The following CCDC30 variants were observed in gnomAD, a reference collection of about 807,000 sequenced individuals.
CCDC30 encodes the protein coiled-coil domain-containing protein 30.
A neutral mutation model predicts 100.2 loss-of-function variants in CCDC30; 70 were observed. The ratio of observed to expected loss-of-function variants is 0.70; its 90% CI spans 0.58 to 0.85. CCDC30 has a LOEUF of 0.85. Among genes scored for constraint, CCDC30 ranks in the 40% least tolerant of loss-of-function variants. The pLI is 0.00. For synonymous variants in CCDC30, 233 were observed against 269.5 expected (o/e 0.86, Z 1.33); for missense variants, 652 against 771.2 (o/e 0.85, Z 1.83).
At chr1:42,625,561 TATC>T (rs1646918245) in intron 11 of CCDC30, among the ~76,000 whole-genome samples, 1 of 152,136 alleles carries the variant, frequency 6.6e-6, no homozygotes, top group African/African-American at 2.4e-5. Context: ...GTGTTTCCAT[TATC>T]ATTCGTTTCA....
intron 15 of CCDC30, among the ~76,000 whole-genome samples, chr1:42,650,519 G>A (rs946961550): frequency 1.3e-5 from 2 of 151,682 alleles, no homozygotes; most frequent in African/African-American, 2.4e-5. Context: ...GTGTGTGTGT[G>A]TGTGTGTGTG....
chr1:42,497,294 C>T (rs1644245633), intron 5 of CCDC30, 81 bp downstream of exon 5: 3 of 832,860 alleles, frequency 3.6e-6, no homozygotes, highest in Non-Finnish European at 4.8e-6. Context: ...AGGTATACAA[C>T]ATGTAAGTTG....
At chr1:42,489,289 C>A (rs892274223) in intron 3 of CCDC30, among the ~76,000 whole-genome samples, 1 of 152,176 alleles carries the variant, frequency 6.6e-6, no homozygotes, top group South Asian at 2.1e-4. Context: ...AAAATGGAAA[C>A]ATGAATATCT....
At chr1:42,641,821 C>G (rs1647422401) in intron 12 of CCDC30, among the ~76,000 whole-genome samples, 1 of 151,992 alleles carries the variant, frequency 6.6e-6, no homozygotes, top group African/African-American at 2.4e-5. Flanking sequence ...TGCCACTGCA[C>G]TCCAGCCTGG....
chr1:42,501,494 G>A (rs1159078892), intron 6 of CCDC30, among the ~76,000 whole-genome samples: 1 of 152,172 alleles, frequency 6.6e-6, no homozygotes, highest in Non-Finnish European at 1.5e-5. Flanking sequence ...TCCATTGCTG[G>A]TGAGGAGCTG....
At chr1:42,616,969 ATG>A (rs1646738081) in intron 11 of CCDC30, among the ~76,000 whole-genome samples, 1 of 151,958 alleles carries the variant, frequency 6.6e-6, no homozygotes, top group South Asian at 2.1e-4. Flanking sequence ...TTAGATAACA[ATG>A]TGGGAAAATG....
At chr1:42,556,101 A>T in intron 6 of CCDC30, 55 bp from the exon 10 acceptor site, 1 of 1,531,338 alleles carries the variant, frequency 6.5e-7, no homozygotes, top group Non-Finnish European at 8.8e-7. Flanking sequence ...TTTTTTCCCG[A>T]TTCTACTACT....
intron 8 of CCDC30, 107 bp from the exon 13 acceptor site, chr1:42,581,253 T>G: frequency 1.2e-6 from 1 of 815,540 alleles, no homozygotes; most frequent in East Asian, 2.5e-5. Context: ...TCAGGTCAGA[T>G]TAATATGTTA....
At chr1:42,550,789 T>G (rs886369545) in intron 6 of CCDC30, among the ~76,000 whole-genome samples, 1 of 152,232 alleles carries the variant, frequency 6.6e-6, no homozygotes, top group Admixed American at 6.5e-5. Context: ...CTGGCTGTGT[T>G]GATCACTTAT....
intron 1 of CCDC30, among the ~76,000 whole-genome samples, chr1:42,479,726 A>G (rs1388137252): frequency 3.3e-5 from 5 of 152,138 alleles, no homozygotes; most frequent in African/African-American, 1.2e-4. Flanking sequence ...CACTCAGCCC[A>G]TGGGAAGAGG....
At chr1:42,592,900 CG>C (rs1423667710) in intron 10 of CCDC30, 1 of 152,102 alleles carries the variant, frequency 6.6e-6, no homozygotes, top group Non-Finnish European at 1.5e-5. Context: ...TCTGTATAGC[CG>C]GCAGAACCAT....
At chr1:42,529,366 G>T (rs113804158) in intron 6 of CCDC30, among the ~76,000 whole-genome samples, 1 of 152,152 alleles carries the variant, frequency 6.6e-6, no homozygotes, top group South Asian at 2.1e-4. Context: ...TAGCTACTTG[G>T]GGGGCTGAGG....
chr1:42,630,570 CA>C (rs1188772231), intron 11 of CCDC30, among the ~76,000 whole-genome samples: 4 of 150,056 alleles, frequency 2.7e-5, no homozygotes, highest in African/African-American at 9.8e-5. Flanking sequence ...TTAGTAGAGA[CA>C]GGGTTTTGCC....
intron 12 of CCDC30, among the ~76,000 whole-genome samples, chr1:42,639,012 C>T (rs1222008236): frequency 6.6e-6 from 1 of 152,102 alleles, no homozygotes; most frequent in African/African-American, 2.4e-5. Flanking sequence ...TTGCATTTTG[C>T]TTCTAGGCCA....
intron 4 of CCDC30, chr1:42,492,036 C>A: frequency 3.9e-6 from 2 of 509,082 alleles, no homozygotes; most frequent in Non-Finnish European, 7.2e-6. Context: ...ACTTCCAGGG[C>A]ATGGATTTAC....
At chr1:42,497,026 G>A (rs1336484542) in intron 4 of CCDC30, 72 bp from the exon 5 acceptor site, 6 of 734,046 alleles carry the variant, frequency 8.2e-6, no homozygotes, top group East Asian at 6.8e-5. Context: ...CACTTCCTTC[G>A]TTTTTAGAGT....
chr1:42,511,059 C>T (rs1187039216), intron 6 of CCDC30, among the ~76,000 whole-genome samples: 1 of 151,992 alleles, frequency 6.6e-6, no homozygotes, highest in African/African-American at 2.4e-5. Context: ...GAGAAAAAGG[C>T]GTCCCTTTAA....
At chr1:42,605,173 C>T (rs1646478420) in intron 10 of CCDC30, among the ~76,000 whole-genome samples, 1 of 152,186 alleles carries the variant, frequency 6.6e-6, no homozygotes, top group Admixed American at 6.5e-5. Flanking sequence ...ACCATCATCC[C>T]CATTAAAATC....
intron 3 of CCDC30, 46 bp from the exon 4 acceptor site, chr1:42,490,112 T>A (rs1644114605): frequency 2.9e-6 from 2 of 698,810 alleles, no homozygotes; most frequent in Non-Finnish European, 4.0e-6. Flanking sequence ...TTGATTATTA[T>A]ACTAATCATT....
Sources: gnomAD v4.1 joint callset for allele counts (sites outside exome capture counted in the v4.1 genomes callset) on GRCh38, gnomAD v4.1.1 for gene constraint, MANE v1.5 for transcripts, NCBI Gene and HGNC (gene_info 2026-07-23, HGNC 2026-07-21) for gene names.